The following FAM117B variants were observed in gnomAD, a reference collection of about 807,000 sequenced individuals.
The protein encoded by FAM117B is protein FAM117B.
FAM117B carries 22 observed loss-of-function variants against 52.8 expected under a neutral mutation model. That is an observed-to-expected ratio of 0.42 (90% confidence interval 0.30 to 0.59). The LOEUF (loss-of-function observed/expected upper bound fraction) is 0.59, where lower values mean the gene tolerates loss of function less well. Ranked by LOEUF, FAM117B falls within the 20% of genes least tolerant of loss-of-function variation. The pLI is 0.22. For missense variants in FAM117B, 678 were observed against 802.6 expected (o/e 0.84, Z 1.88); for synonymous variants, 309 against 324.1 (o/e 0.95, Z 0.50).
At chr2:202,715,185 C>T (rs572119991) in intron 2 of FAM117B, among the ~76,000 whole-genome samples, 19 of 144,376 alleles carry the variant, frequency 1.3e-4, no homozygotes, top group Admixed American at 6.9e-4. Flanking sequence ...CCCTCCCGGA[C>T]GGGTCGGCTG....
intron 1 of FAM117B, among the ~76,000 whole-genome samples, chr2:202,663,995 T>C (rs1690167030): frequency 6.6e-6 from 1 of 152,372 alleles, no homozygotes; most frequent in African/African-American, 2.4e-5. Context: ...GGTTAAAATA[T>C]GTGGATGACA....
At chr2:202,696,448 A>G (rs1196391588) in intron 2 of FAM117B, among the ~76,000 whole-genome samples, 1 of 152,216 alleles carries the variant, frequency 6.6e-6, no homozygotes, top group African/African-American at 2.4e-5. Context: ...TAATGTTTTA[A>G]GAAAGTTTAC....
intron 1 of FAM117B, 76 bp downstream of exon 1, chr2:202,635,864 G>T (rs896211218): frequency 2.3e-6 from 3 of 1,312,008 alleles, no homozygotes; most frequent in Non-Finnish European, 2.9e-6. Flanking sequence ...CAATCGCGCG[G>T]GGACTGCAGA....
chr2:202,641,344 G>A (rs1411279369), intron 1 of FAM117B, among the ~76,000 whole-genome samples: 1 of 152,148 alleles, frequency 6.6e-6, no homozygotes, highest in African/African-American at 2.4e-5. Context: ...GTTGGGATGG[G>A]GAGAGCGGAA....
chr2:202,726,151 C>A, intron 3 of FAM117B, 99 bp from the exon 4 acceptor site: 3 of 730,006 alleles, frequency 4.1e-6, no homozygotes, highest in Non-Finnish European at 6.9e-6. Flanking sequence ...ATTCAAAGGA[C>A]TTATTAAGGG....
chr2:202,728,738 A>C (rs1177593630), intron 4 of FAM117B, among the ~76,000 whole-genome samples: 1 of 152,244 alleles, frequency 6.6e-6, no homozygotes, highest in Admixed American at 6.5e-5. Context: ...AACTTGTGTT[A>C]AAACCAACAA....
At position 202,684,050 on chromosome 2, in the gene FAM117B, A is replaced by G. The variant is rs569469708; in HGVS notation, c.602-11831A>G. ...CCTGGTTAATTTTTGTATTTTTTGT[A>G]GAGACCAGGTTTTGCCATGTTGCTC... On this transcript the variant is annotated intron_variant, in intron 1 of 7. Coordinates refer to ENST00000392238, the MANE Select transcript of FAM117B (RefSeq NM_173511.4). Among the ~76,000 whole-genome samples, 39 of 152,138 alleles carry G rather than the reference A, an allele frequency of 2.6e-4. No individual in the cohort carries two copies. The South Asian group carries it at 5.6e-3, about 22-fold the overall frequency.
intron 1 of FAM117B, among the ~76,000 whole-genome samples, chr2:202,664,045 C>CCA (rs1294272489): frequency 4.6e-5 from 7 of 152,182 alleles, no homozygotes; most frequent in Non-Finnish European, 7.3e-5. Context: ...GCATGTTGAA[C>CCA]CACAGTTCCT....
intron 4 of FAM117B, among the ~76,000 whole-genome samples, chr2:202,754,069 A>G (rs1426476757): frequency 1.3e-5 from 2 of 152,238 alleles, no homozygotes; most frequent in African/African-American, 4.8e-5. Context: ...ATAAAGACAC[A>G]TGCACATATG....
At position 202,724,908 on chromosome 2, in the gene FAM117B, TCA is replaced by T. The variant is rs1259560257; in HGVS notation, c.754-8_754-7del. 1 of 1,587,670 alleles carries T rather than the reference TCA, an allele frequency of 6.3e-7. No individual in the cohort carries two copies. Among genetic ancestry groups the T allele is most frequent in the Non-Finnish European group, 8.6e-7 (1 of 1,167,462 alleles). On this transcript the variant is annotated splice_region_variant and splice_polypyrimidine_tract_variant and intron_variant, in intron 2 of 7. Coordinates refer to ENST00000392238, the MANE Select transcript of FAM117B (RefSeq NM_173511.4). The stretch of plus-strand genomic sequence containing the variant: ...TGTTAAATACACCTCCCCTCTTTTT[TCA>T]TTACAGACAGAGAGTGCATGGGCTG...
chr2:202,652,905 A>G (rs921155840), intron 1 of FAM117B, among the ~76,000 whole-genome samples: 8 of 152,192 alleles, frequency 5.3e-5, no homozygotes, highest in Non-Finnish European at 1.2e-4. Context: ...GAGAACTTGC[A>G]AGATTTAAGT....
chr2:202,650,113 TCTTTTATATTTATC>T (rs747016197), intron 1 of FAM117B, among the ~76,000 whole-genome samples: 1 of 152,158 alleles, frequency 6.6e-6, no homozygotes, highest in Non-Finnish European at 1.5e-5. Flanking sequence ...AGGAAGAAAG[TCTTTTATATTTATC>T]CTAATTTCTA....
intron 6 of FAM117B, 104 bp downstream of exon 6, chr2:202,757,542 C>A: frequency 8.3e-7 from 1 of 1,205,984 alleles, no homozygotes; most frequent in Non-Finnish European, 1.2e-6. Flanking sequence ...CGAGGCTACT[C>A]AGTTAATGTG....
chr2:202,705,762 A>G (rs1245297643), intron 2 of FAM117B, among the ~76,000 whole-genome samples: 3 of 152,214 alleles, frequency 2.0e-5, no homozygotes, highest in Non-Finnish European at 4.4e-5. Context: ...CCTATGTGGC[A>G]AATCTATTAA....
intron 2 of FAM117B, among the ~76,000 whole-genome samples, chr2:202,720,899 T>A (rs1362702397): frequency 6.6e-6 from 1 of 152,224 alleles, no homozygotes; most frequent in Non-Finnish European, 1.5e-5. Flanking sequence ...CCATTGATGA[T>A]CCTTGCCTAC....
Position 202,726,376 on chromosome 2 carries a change from A to G in FAM117B, c.960+13A>G. The G allele has an allele frequency of 6.4e-7, 1 of 1,553,794 alleles. No homozygotes were observed. ...TAACCAGTGTCAGGTAAGAGTACCA[A>G]TACCACAAAATCCAGAAAAGGAATT... On this transcript the variant is annotated intron_variant, in intron 4 of 7. Transcript: ENST00000392238.
intron 2 of FAM117B, among the ~76,000 whole-genome samples, chr2:202,702,141 C>T (rs974975313): frequency 1.3e-5 from 2 of 152,092 alleles, no homozygotes; most frequent in Non-Finnish European, 2.9e-5. Flanking sequence ...ACCTGTAATC[C>T]CAGTACTTTG....
At chr2:202,713,716 A>AT (rs908778314) in intron 2 of FAM117B, among the ~76,000 whole-genome samples, 19 of 151,654 alleles carry the variant, frequency 1.3e-4, no homozygotes, top group African/African-American at 4.1e-4. Flanking sequence ...TGTTTCCATT[A>AT]TTTTTTTTGA....
chr2:202,755,563 T>C lies in FAM117B; in HGVS notation c.986T>C (p.Ile329Thr), dbSNP rs1276898314. ...CQAPVPKSAL[I>T]PVIPITKSTG... Reference sequence around the variant, plus strand: ...GCTCCTGTTCCAAAGAGTGCACTTATTCCTGTAATTCCCATCACCAAATCA... The same window carrying C: ...GCTCCTGTTCCAAAGAGTGCACTTACTCCTGTAATTCCCATCACCAAATCA... The change falls in exon 5 of 8, where the codon ATT becomes ACT. Residue 329 changes from isoleucine to threonine, a missense_variant. Transcript: ENST00000392238. 6.2e-7 allele frequency: 1 copy of C among 1,614,116 alleles called. No individual in the cohort carries two copies. Among genetic ancestry groups the C allele is most frequent in the Non-Finnish European group, 8.5e-7 (1 of 1,179,968 alleles).
Sources: allele counts gnomAD v4.1 joint callset (sites outside exome capture counted in the v4.1 genomes callset), GRCh38; gene constraint gnomAD v4.1.1; transcripts MANE v1.5; gene names NCBI Gene and HGNC (gene_info 2026-07-23, HGNC 2026-07-21).